Variants in TENM2 observed in about 807,000 individuals in gnomAD.
The protein encoded by TENM2 is teneurin transmembrane protein 2.
Under a neutral mutation model 245.2 loss-of-function variants are expected in TENM2, and 52 were observed. That is an observed-to-expected ratio of 0.21 (90% CI 0.17 to 0.27). TENM2 has a LOEUF of 0.27. Ranked by LOEUF, TENM2 falls within the 10% of genes least tolerant of loss-of-function variation. TENM2 has a pLI of 1.00. For missense variants in TENM2, 3,046 were observed against 3,666.8 expected (o/e 0.83, Z 4.37); for synonymous variants, 1,363 against 1,438.9 (o/e 0.95, Z 1.19).
chr5:167,280,798 CTATCT>C (rs1407866667), upstream of TENM2, among the ~76,000 whole-genome samples: 1 of 151,256 alleles, frequency 6.6e-6, no homozygotes, highest in Non-Finnish European at 1.5e-5. Flanking sequence ...ATCTATCTAT[CTATCT>C]ATCTGTCATC....
intron 2 of TENM2, among the ~76,000 whole-genome samples, chr5:167,822,840 A>G (rs1767647392): frequency 6.6e-6 from 1 of 152,230 alleles, no homozygotes; most frequent in Non-Finnish European, 1.5e-5. Flanking sequence ...ATCAGTACCA[A>G]TGCAATTGCA....
exon 29 of TENM2, chr5:168,262,554 A>G: frequency 1.3e-6 from 2 of 1,559,700 alleles, no homozygotes; most frequent in Non-Finnish European, 1.7e-6. Context: ...ACCCTGGACG[A>G]AGAGAAGGCC....
At chr5:167,426,845 A>AT (rs1027810444) in intron 2 of TENM2, among the ~76,000 whole-genome samples, 1 of 152,098 alleles carries the variant, frequency 6.6e-6, no homozygotes, top group Middle Eastern at 3.2e-3. Flanking sequence ...TATGCTCTAC[A>AT]TTTTTTTCAA....
rs116681582 is a variant in TENM2, at chr5:168,121,645, G to A, written c.2008+3159G>A. ...AGAGAAGAGAGAGCTAATTTATCTGGAAGAAAAATGCCATTTTCATTTTTT... is the reference window on the plus strand; with the variant it reads ...AGAGAAGAGAGAGCTAATTTATCTGAAAGAAAAATGCCATTTTCATTTTTT... On this transcript the variant is annotated intron_variant, in intron 10 of 28. Coordinates refer to ENST00000518659, the Ensembl canonical transcript of TENM2. 7.3e-3 allele frequency among the ~76,000 whole-genome samples: 1,112 copies of A among 151,978 alleles called. 18 individuals are homozygous for A. Among genetic ancestry groups the A allele is most frequent in the African/African-American group, 0.025 (1,048 of 41,482 alleles).
the TENM2 span, among the ~76,000 whole-genome samples, chr5:167,211,315 G>A: frequency 6.6e-6 from 1 of 152,196 alleles, no homozygotes; most frequent in Non-Finnish European, 1.5e-5. Flanking sequence ...ATATGTGATA[G>A]TTTGTAAATT....
chr5:167,312,072 G>A (rs976285344), intron 1 of TENM2, among the ~76,000 whole-genome samples: 1 of 152,036 alleles, frequency 6.6e-6, no homozygotes, highest in Admixed American at 6.6e-5. Flanking sequence ...CATAATCACA[G>A]GCTTAATTGT....
chr5:167,896,648 CG>C (rs1775251291), intron 3 of TENM2, among the ~76,000 whole-genome samples: 1 of 152,094 alleles, frequency 6.6e-6, no homozygotes, highest in Admixed American at 6.5e-5. Context: ...TTAAAAAGCA[CG>C]GAGACATAGG....
At chr5:167,737,917 C>T (rs1441246455) in intron 2 of TENM2, among the ~76,000 whole-genome samples, 1 of 152,224 alleles carries the variant, frequency 6.6e-6, no homozygotes, top group Non-Finnish European at 1.5e-5. Context: ...CTTCTCCAGA[C>T]AGTTCTATAG....
chr5:167,699,577 T>C (rs1758008185), intron 2 of TENM2, among the ~76,000 whole-genome samples: 1 of 152,216 alleles, frequency 6.6e-6, no homozygotes, highest in African/African-American at 2.4e-5. Context: ...GTCTCTGCTG[T>C]AGCCAGATAG....
At chr5:167,368,417 G>A (rs930663610) in intron 1 of TENM2, among the ~76,000 whole-genome samples, 2 of 152,070 alleles carry the variant, frequency 1.3e-5, no homozygotes, top group Non-Finnish European at 2.9e-5. Flanking sequence ...CAGGATCATA[G>A]AGGGTCATTT....
At chr5:167,312,881 GC>G (rs1756122568) in intron 1 of TENM2, among the ~76,000 whole-genome samples, 1 of 148,986 alleles carries the variant, frequency 6.7e-6, no homozygotes, top group Non-Finnish European at 1.5e-5. Flanking sequence ...GGATAGCCCT[GC>G]CCTCATGAAA....
chr5:167,234,451 C>T, the TENM2 span, among the ~76,000 whole-genome samples: 4 of 152,156 alleles, frequency 2.6e-5, no homozygotes, highest in African/African-American at 9.7e-5. Flanking sequence ...CCAGACTATG[C>T]TTTGTTTCAT....
intron 3 of TENM2, among the ~76,000 whole-genome samples, chr5:167,936,967 A>G (rs1778768456): frequency 6.6e-6 from 1 of 152,226 alleles, no homozygotes; most frequent in African/African-American, 2.4e-5. Flanking sequence ...GTGTGTATCA[A>G]TAGTCCATCC....
At chr5:167,796,985 A>G (rs1192271877) in intron 2 of TENM2, among the ~76,000 whole-genome samples, 4 of 151,736 alleles carry the variant, frequency 2.6e-5, no homozygotes, top group Admixed American at 6.6e-5. Flanking sequence ...TCATAGCTCT[A>G]TGCTCTACAG....
At chr5:167,674,343 GTTTATTCT>G (rs1756165261) in intron 2 of TENM2, among the ~76,000 whole-genome samples, 6 of 151,996 alleles carry the variant, frequency 3.9e-5, no homozygotes, top group Admixed American at 3.9e-4. Context: ...ATCTTTGAAC[GTTTATTCT>G]TTAGGTGCTC....
intron 1 of TENM2, among the ~76,000 whole-genome samples, chr5:167,347,841 C>T (rs895639683): frequency 6.6e-6 from 1 of 152,270 alleles, no homozygotes. Flanking sequence ...AGACAAGGTA[C>T]CTTCTCCCTT....
At chr5:167,328,122 G>A (rs779170008) in intron 1 of TENM2, among the ~76,000 whole-genome samples, 6 of 111,936 alleles carry the variant, frequency 5.4e-5, no homozygotes, top group Non-Finnish European at 1.1e-4. Flanking sequence ...AGCATTAAGT[G>A]TGAACTTGTT....
intron 5 of TENM2, among the ~76,000 whole-genome samples, chr5:168,015,275 G>A (rs1310498847): frequency 2.0e-5 from 3 of 152,188 alleles, no homozygotes. Context: ...TGTTTGAGAG[G>A]CACCTCATGA....
chr5:167,393,158 T>G lies in TENM2; in HGVS notation c.502+17685T>G, dbSNP rs190165108. 7.5e-3 allele frequency among the ~76,000 whole-genome samples: 1,121 copies of G among 149,118 alleles called. 22 individuals are homozygous for G. The highest frequency in any genetic ancestry group is 0.027 in the African/African-American group (1,085 of 39,614). On this transcript the variant is annotated intron_variant, in intron 2 of 28. Transcript: ENST00000518659. The stretch of plus-strand genomic sequence containing the variant: ...AAGGAAAAAAAAAGTTAATTTTTAT[T>G]AGGCAATAAAAAATGAACTTGAAAT...
Sources: gnomAD v4.1 joint callset for allele counts (sites outside exome capture counted in the v4.1 genomes callset) on GRCh38, gnomAD v4.1.1 for gene constraint, MANE v1.5 for transcripts, NCBI Gene and HGNC (gene_info 2026-07-23, HGNC 2026-07-21) for gene names.